PTPRN2: variants seen among roughly 807,000 people sequenced by gnomAD.
PTPRN2 encodes the protein protein tyrosine phosphatase receptor type N2.
Under a neutral mutation model 118.8 loss-of-function variants are expected in PTPRN2, and 74 were observed. That is an observed-to-expected ratio of 0.62 (90% CI 0.52 to 0.76). The LOEUF is 0.76. PTPRN2 is among the 30% of genes least tolerant of loss of function. The probability of loss-of-function intolerance (pLI) is 0.00; values close to 1 mark genes in which losing one functional copy is unlikely to be tolerated. For synonymous variants in PTPRN2, 641 were observed against 608.0 expected, an observed-to-expected ratio of 1.05 and a Z score of -0.80; for missense variants, 1,481 against 1,394.4, an observed-to-expected ratio of 1.06 and a Z score of -0.99.
chr7:158,359,789 C>G (rs957909230), intron 2 of PTPRN2, among the ~76,000 whole-genome samples: 1 of 152,126 alleles, frequency 6.6e-6, no homozygotes, highest in East Asian at 1.9e-4. Flanking sequence ...AGAATGGCAG[C>G]CCAAGCGAGA....
chr7:157,769,762 C>T (rs535189403), intron 12 of PTPRN2, among the ~76,000 whole-genome samples: 106 of 152,348 alleles, frequency 7.0e-4, no homozygotes, highest in African/African-American at 2.4e-3. Flanking sequence ...GCCTCCCACT[C>T]CACCACAGCT....
chr7:157,859,102 CA>C (rs1291494545), intron 12 of PTPRN2, among the ~76,000 whole-genome samples: 2 of 28 alleles, frequency 0.071, no homozygotes, highest in East Asian at 0.25. Context: ...AGAGCCCCGT[CA>C]CCACCCACAC....
Position 157,825,680 on chromosome 7 carries a change from C to T in PTPRN2, c.1788+72993G>A, listed in dbSNP as rs566816909. ...CCACATTTGTTCATGTCTGAGTTCACACCTGGGGCTCACACAGGTATCTCT... is the reference window on the plus strand; with the variant it reads ...CCACATTTGTTCATGTCTGAGTTCATACCTGGGGCTCACACAGGTATCTCT... On this transcript the variant is annotated intron_variant, in intron 12 of 22. Coordinates refer to ENST00000389418, the MANE Select transcript of PTPRN2 (RefSeq NM_002847.5). Among the ~76,000 whole-genome samples the T allele has an allele frequency of 2.0e-5, 3 of 152,342 alleles. No homozygotes were observed. In the South Asian group the frequency reaches 6.2e-4, roughly 32 times the overall value.
At chr7:158,079,171 G>T (rs562772530) in intron 11 of PTPRN2, among the ~76,000 whole-genome samples, 1 of 152,224 alleles carries the variant, frequency 6.6e-6, no homozygotes, top group South Asian at 2.1e-4. Flanking sequence ...CATCAGGCAC[G>T]TTCATGACAC....
chr7:157,576,815 G>A, intron 18 of PTPRN2, 36 bp from the exon 19 acceptor site: 1 of 1,542,088 alleles, frequency 6.5e-7, no homozygotes, highest in Non-Finnish European at 8.8e-7. Flanking sequence ...GACAGAGACA[G>A]GTGTGGACAT....
chr7:157,735,700 C>T (rs1800254212), intron 12 of PTPRN2, among the ~76,000 whole-genome samples: 1 of 152,182 alleles, frequency 6.6e-6, no homozygotes, highest in Non-Finnish European at 1.5e-5. Context: ...ATTCTAAACT[C>T]CTCGGGGCAG....
chr7:158,066,502 G>A (rs928613087), intron 11 of PTPRN2, among the ~76,000 whole-genome samples: 1 of 152,196 alleles, frequency 6.6e-6, no homozygotes, highest in African/African-American at 2.4e-5. Flanking sequence ...AGGGCTCTGA[G>A]TGCTCAAAGG....
At chr7:158,469,456 A>G (rs1819681356) in intron 2 of PTPRN2, among the ~76,000 whole-genome samples, 1 of 152,166 alleles carries the variant, frequency 6.6e-6, no homozygotes, top group Non-Finnish European at 1.5e-5. Context: ...CTCAACAACA[A>G]CAACAACAAC....
chr7:158,233,551 G>A (rs1186504019), intron 3 of PTPRN2, among the ~76,000 whole-genome samples: 2 of 152,038 alleles, frequency 1.3e-5, no homozygotes, highest in South Asian at 2.1e-4. Context: ...TGTTCAGGGT[G>A]GGCATGGCTG....
chr7:158,341,015 C>T (rs1356514431), intron 2 of PTPRN2, among the ~76,000 whole-genome samples: 3 of 36,284 alleles, frequency 8.3e-5, no homozygotes, highest in Admixed American at 2.8e-4. Flanking sequence ...AACCTGCAGA[C>T]GTCACTCACA....
At chr7:157,970,641 CCCCCCCACAGGTTG>C (rs975485141) in intron 11 of PTPRN2, among the ~76,000 whole-genome samples, 2 of 150,234 alleles carry the variant, frequency 1.3e-5, no homozygotes, top group Non-Finnish European at 1.5e-5. Context: ...AGCGGACCCC[CCCCCCCACAGGTTG>C]CCCACCCCAG....
chr7:157,989,648 T>C (rs77565639), intron 11 of PTPRN2, among the ~76,000 whole-genome samples: 10,606 of 148,036 alleles, frequency 0.072, 424 homozygotes, highest in South Asian at 0.18. Flanking sequence ...TGCTTAGCCA[T>C]GATTCTGCTG....
intron 3 of PTPRN2, among the ~76,000 whole-genome samples, chr7:158,255,339 G>A (rs543246629): frequency 6.6e-6 from 1 of 152,254 alleles, no homozygotes; most frequent in African/African-American, 2.4e-5. Context: ...TCCAGGGGCC[G>A]GGCTCTGGAA....
intron 12 of PTPRN2, among the ~76,000 whole-genome samples, chr7:157,790,089 G>A (rs1804368694): frequency 7.0e-6 from 1 of 143,142 alleles, no homozygotes; most frequent in Non-Finnish European, 1.5e-5. Context: ...TGTGGTGTGT[G>A]TGGTGGTGAC....
chr7:157,626,502 G>C (rs1286174504), intron 14 of PTPRN2, among the ~76,000 whole-genome samples: 1 of 152,082 alleles, frequency 6.6e-6, no homozygotes, highest in Non-Finnish European at 1.5e-5. Flanking sequence ...GTCAGGACAT[G>C]CCCATTACCT....
intron 2 of PTPRN2, among the ~76,000 whole-genome samples, chr7:158,373,267 G>A (rs943097219): frequency 2.0e-5 from 3 of 152,218 alleles, no homozygotes; most frequent in African/African-American, 7.2e-5. Flanking sequence ...CTCGGGGCCC[G>A]GCCTATTCTG....
Position 158,526,684 on chromosome 7 carries a change from C to T in PTPRN2, c.113-36899G>A, listed in dbSNP as rs544880120. ...GTAAAACGAGGTCGCCGGATGGGCC[C>T]GGATCCAGGCTGACTGGGTCCTTAT... On this transcript the variant is annotated intron_variant, in intron 1 of 22. Transcript: ENST00000389418. This position sits in a 1 kb window ranked among gnomAD's most constrained non-coding sequence, Gnocchi z 5.2. Among the ~76,000 whole-genome samples, 13 of 152,072 alleles carry T rather than the reference C, an allele frequency of 8.5e-5. No homozygotes were observed. The highest frequency in any genetic ancestry group is 4.8e-5 in the African/African-American group (2 of 41,400).
In PTPRN2 at chr7:157,617,390, C is replaced by T. The variant is rs1296018681; in HGVS notation, c.2344+3972G>A. The T allele has an allele frequency of 9.2e-5, 13 of 141,220 alleles. No individual in the cohort carries two copies. Among genetic ancestry groups the T allele is most frequent in the Admixed American group, 5.7e-4 (8 of 13,972 alleles). 8.7% of individuals were successfully genotyped at this position (141,220 alleles called of 1,614,324 possible). A position where few individuals can be genotyped will look rare whatever the true frequency, so the allele number is the denominator to read the frequency against. ...CAGCTGCAGCGCAGAGCACGGGCGA[C>T]GCTGGCTCACGATGCCCCAGTGATG... On this transcript the variant is annotated intron_variant, in intron 15 of 22. Coordinates refer to ENST00000389418, the MANE Select transcript of PTPRN2 (RefSeq NM_002847.5). This position sits in a 1 kb window ranked among gnomAD's most constrained non-coding sequence, Gnocchi z 7.5.
In PTPRN2 at chr7:157,711,488, C is replaced by T. The variant is rs116252539; in HGVS notation, c.1789-28551G>A. Among the ~76,000 whole-genome samples the T allele has an allele frequency of 4.3e-3, 658 of 152,258 alleles. 4 individuals carry two copies. The highest frequency in any genetic ancestry group is 0.015 in the African/African-American group (610 of 41,510). On this transcript the variant is annotated intron_variant, in intron 12 of 22. Transcript: ENST00000389418. The stretch of plus-strand genomic sequence containing the variant: ...CTGCACACGGGTCCTGTCTGTGCTC[C>T]CCTGCAGCCCGGGGGAGTCCTGGCC...
Sources: allele counts gnomAD v4.1 joint callset (sites outside exome capture counted in the v4.1 genomes callset), GRCh38; gene constraint gnomAD v4.1.1; non-coding constraint Gnocchi (gnomAD v3.1); transcripts MANE v1.5; gene names NCBI Gene and HGNC (gene_info 2026-07-23, HGNC 2026-07-21).